The following PHF14 variants were observed in gnomAD, a reference collection of about 807,000 sequenced individuals.
PHF14 encodes PHD finger protein 14.
Under a neutral mutation model 117.9 loss-of-function variants are expected in PHF14, and 55 were observed. The ratio of observed to expected loss-of-function variants is 0.47; its 90% CI spans 0.38 to 0.58. The LOEUF is 0.58. Ranked by LOEUF, PHF14 falls within the 20% of genes least tolerant of loss-of-function variation. The probability of loss-of-function intolerance (pLI) is 0.00; values close to 1 mark genes in which losing one functional copy is unlikely to be tolerated. For synonymous variants in PHF14, 409 were observed against 368.6 expected, an observed-to-expected ratio of 1.11 and a Z score of -1.26; for missense variants, 978 against 1,122.2, an observed-to-expected ratio of 0.87 and a Z score of 1.84.
chr7:11,046,723 C>A (rs1251614993), intron 13 of PHF14, among the ~76,000 whole-genome samples: 1 of 151,858 alleles, frequency 6.6e-6, no homozygotes, highest in Non-Finnish European at 1.5e-5. Context: ...AAAGAGATAC[C>A]CATAATGCAG....
chr7:11,132,757 C>A (rs534589817), intron 17 of PHF14, among the ~76,000 whole-genome samples: 1 of 151,704 alleles, frequency 6.6e-6, no homozygotes, highest in African/African-American at 2.4e-5. Flanking sequence ...ACCCCCTCAC[C>A]AACATTTGTT....
intron 17 of PHF14, among the ~76,000 whole-genome samples, chr7:11,152,274 AC>A (rs1453194836): frequency 9.2e-5 from 14 of 152,144 alleles, no homozygotes; most frequent in African/African-American, 2.7e-4. Flanking sequence ...AAAAGGGAAT[AC>A]TTTTTATAGT....
Position 10,991,847 on chromosome 7 carries a change from C to T in PHF14, c.1045+1000C>T, listed in dbSNP as rs866894678. On this transcript the variant is annotated intron_variant, in intron 4 of 17. Coordinates refer to ENST00000634607, the MANE Select transcript of PHF14 (RefSeq NM_001007157.2). ...TCCTGGCCTCAAGCAATCTGCCTGC[C>T]TCGGCCTCTCAAAGTGCTGAGATTA... Among the ~76,000 whole-genome samples the T allele has an allele frequency of 4.8e-5, 7 of 147,262 alleles. 1 individual carries two copies. The South Asian group carries it at 1.3e-3, about 27-fold the overall frequency.
At chr7:11,048,888 A>T (rs1784760724) in intron 13 of PHF14, among the ~76,000 whole-genome samples, 1 of 129,642 alleles carries the variant, frequency 7.7e-6, no homozygotes, top group South Asian at 2.7e-4. Flanking sequence ...TGATTTTTTG[A>T]GTTGTTCCGT....
chr7:10,991,919 T>A (rs888705960), intron 4 of PHF14, among the ~76,000 whole-genome samples: 5 of 151,110 alleles, frequency 3.3e-5, no homozygotes, highest in Non-Finnish European at 7.4e-5. Flanking sequence ...TTTTTTTTTT[T>A]AATTTTAAAT....
intron 17 of PHF14, among the ~76,000 whole-genome samples, chr7:11,113,407 A>C (rs1258836238): frequency 2.0e-5 from 3 of 152,106 alleles, no homozygotes; most frequent in Non-Finnish European, 2.9e-5. Context: ...ATGCGTTAGG[A>C]AGGCACATTG....
At chr7:11,157,827 G>A (rs1329932611) in intron 17 of PHF14, among the ~76,000 whole-genome samples, 1 of 152,090 alleles carries the variant, frequency 6.6e-6, no homozygotes, top group Non-Finnish European at 1.5e-5. Flanking sequence ...TAGAAATACT[G>A]AAACCCCATT....
chr7:10,974,204 C>A lies in PHF14; in HGVS notation c.-120C>A. 1.2e-6 allele frequency: 1 copy of A among 869,360 alleles called. No homozygotes were observed. Among genetic ancestry groups the A allele is most frequent in the Non-Finnish European group, 1.9e-6 (1 of 539,254 alleles). The allele number at this position is 869,360 out of a possible 1,614,324, so 53.9% of individuals were successfully genotyped here. On this transcript the variant is annotated 5_prime_UTR_variant, in exon 1 of 18. Transcript: ENST00000634607. The stretch of plus-strand genomic sequence containing the variant: ...CGCCCCTGTCCGGCTGGCTGCGCGC[C>A]GGTTTTAAATAGCATCTTTCGGACT...
At chr7:11,036,285 A>G in intron 8 of PHF14, 133 bp from the exon 9 acceptor site, 1 of 707,678 alleles carries the variant, frequency 1.4e-6, no homozygotes, top group Non-Finnish European at 2.4e-6. Context: ...GATCATTCAT[A>G]CCTATAATTT....
chr7:11,019,860 C>G (rs1281820755), intron 5 of PHF14, among the ~76,000 whole-genome samples: 2 of 151,972 alleles, frequency 1.3e-5, no homozygotes, highest in East Asian at 3.9e-4. Context: ...ATGTAGGTAC[C>G]TATAGCTATA....
At chr7:11,015,571 CT>C (rs901992145) in intron 5 of PHF14, among the ~76,000 whole-genome samples, 14 of 149,066 alleles carry the variant, frequency 9.4e-5, no homozygotes, top group South Asian at 2.1e-4. Flanking sequence ...GGATTCTAGT[CT>C]TTTTTTTTTA....
intron 16 of PHF14, chr7:11,106,401 A>G: frequency 1.0e-6 from 1 of 961,926 alleles, no homozygotes; most frequent in Non-Finnish European, 1.2e-6. Context: ...GAAATGATTA[A>G]AAACCATTTT....
At chr7:11,051,856 G>T in intron 14 of PHF14, 76 bp downstream of exon 14, 1 of 1,203,152 alleles carries the variant, frequency 8.3e-7, no homozygotes, top group South Asian at 1.5e-5. Flanking sequence ...AAGACACAGG[G>T]CAAACATATA....
rs553854366 is a variant in PHF14, at chr7:10,989,348, T to G, written c.901-1355T>G. ...TTGAGTTTAAAAGAATATAAAAATA[T>G]AAAAAATAATAAAACATATTTATGA... On this transcript the variant is annotated intron_variant, in intron 3 of 17. Transcript: ENST00000634607. Among the ~76,000 whole-genome samples, 70 of 152,086 alleles carry G rather than the reference T, an allele frequency of 4.6e-4. No homozygotes were observed. The South Asian group carries it at 0.013, about 29-fold the overall frequency.
intron 17 of PHF14, among the ~76,000 whole-genome samples, chr7:11,165,117 G>T (rs1216451619): frequency 6.6e-6 from 1 of 152,124 alleles, no homozygotes; most frequent in Non-Finnish European, 1.5e-5. Context: ...TAGAGACGGG[G>T]TTTCACCATG....
chr7:11,036,298 T>C, intron 8 of PHF14, 120 bp from the exon 9 acceptor site: 1 of 849,570 alleles, frequency 1.2e-6, no homozygotes, highest in Non-Finnish European at 1.8e-6. Context: ...TATAATTTGC[T>C]TTGGTGTGAG....
At chr7:11,166,134 T>C (rs1789196209) in intron 17 of PHF14, among the ~76,000 whole-genome samples, 1 of 152,194 alleles carries the variant, frequency 6.6e-6, no homozygotes, top group Non-Finnish European at 1.5e-5. Flanking sequence ...AGAGTATGAA[T>C]TAACAAGTTT....
Position 10,982,867 on chromosome 7 carries a change from T to C in PHF14, c.608T>C (p.Met203Thr). 6.2e-7 allele frequency: 1 copy of C among 1,613,806 alleles called. No individual in the cohort carries two copies. Among genetic ancestry groups the C allele is most frequent in the Non-Finnish European group, 8.5e-7 (1 of 1,179,814 alleles). ...GTGTCCATGGAAGAGCTGAATGACA[T>C]GGATGACTATGACAGTGAGGATGAC... Reference protein sequence around the residue: ...DFVSMEELNDMDDYDSEDDND... With the variant: ...DFVSMEELNDTDDYDSEDDND... The change falls in exon 3 of 18, where the codon ATG (methionine) becomes ACG (threonine). Residue 203 changes from methionine to threonine, a missense_variant. Coordinates refer to ENST00000634607, the MANE Select transcript of PHF14 (RefSeq NM_001007157.2).
At chr7:11,122,362 C>T (rs1197248936) in intron 17 of PHF14, among the ~76,000 whole-genome samples, 903 of 82,420 alleles carry the variant, frequency 0.011, 18 homozygotes, top group African/African-American at 0.049. Flanking sequence ...TACACACACA[C>T]ACACACACAC....
Sources: allele counts gnomAD v4.1 joint callset (sites outside exome capture counted in the v4.1 genomes callset), GRCh38; gene constraint gnomAD v4.1.1; transcripts MANE v1.5; gene names NCBI Gene and HGNC (gene_info 2026-07-23, HGNC 2026-07-21).